The following ARIH2 variants were observed in gnomAD, a reference collection of about 807,000 sequenced individuals.
ARIH2 encodes the protein ariadne RBR E3 ubiquitin protein ligase 2.
In ARIH2, 12 loss-of-function variants were observed where a neutral mutation model predicts 79.8. That is an observed-to-expected ratio of 0.15 (90% confidence interval 0.10 to 0.24). The LOEUF (loss-of-function observed/expected upper bound fraction) is 0.24. Ranked by LOEUF, ARIH2 falls within the 10% of genes least tolerant of loss-of-function variation. The pLI is 1.00. For missense variants in ARIH2, 301 were observed against 618.3 expected, an observed-to-expected ratio of 0.49 and a Z score of 5.44; for synonymous variants, 224 against 213.9, an observed-to-expected ratio of 1.05 and a Z score of -0.41.
At chr3:48,935,232 A>G (rs2086948560) in intron 3 of ARIH2, among the ~76,000 whole-genome samples, 1 of 152,198 alleles carries the variant, frequency 6.6e-6, no homozygotes, top group African/African-American at 2.4e-5. Context: ...AGGAAAAATA[A>G]CTGTAAACAA....
At chr3:48,981,567 T>G in intron 13 of ARIH2, 93 bp from the exon 14 acceptor site, 1 of 1,000,690 alleles carries the variant, frequency 1.0e-6, no homozygotes, top group Non-Finnish European at 1.6e-6. Context: ...CTGGGCTAAT[T>G]TGCATGTTGA....
intron 1 of ARIH2, chr3:48,921,548 C>G (rs1048380375): frequency 6.6e-6 from 1 of 151,374 alleles, no homozygotes. Flanking sequence ...ATTCTCCTGC[C>G]GTAGCCTCCC....
At chr3:48,967,026 G>C in intron 5 of ARIH2, 99 bp from the exon 6 acceptor site, 2 of 1,283,074 alleles carry the variant, frequency 1.6e-6, no homozygotes, top group Non-Finnish European at 1.1e-6. Context: ...ACTTGTTGCA[G>C]GGTGAGGATC....
intron 3 of ARIH2, among the ~76,000 whole-genome samples, chr3:48,951,502 A>G (rs2089951174): frequency 6.6e-6 from 1 of 152,110 alleles, no homozygotes; most frequent in Non-Finnish European, 1.5e-5. Flanking sequence ...CTAGTTTGTA[A>G]AAGTGTTTAT....
chr3:48,920,885 C>CA lies in ARIH2; in HGVS notation c.-161-1848dup, dbSNP rs537331018. Among the ~76,000 whole-genome samples, 75 of 41,500 alleles carry CA rather than the reference C, an allele frequency of 1.8e-3. 21 individuals are homozygous for CA. The East Asian group carries it at 0.024, about 13-fold the overall frequency. 27.2% of individuals were successfully genotyped at this position (41,500 alleles called of 152,430 possible). ...CGCCACTGCACTCCAGCAAGACTCT[C>CA]AAAAAAAAAAAAAAAGAAAGAAAAG... is the stretch of plus-strand genomic sequence containing the variant. On this transcript the variant is annotated intron_variant, in intron 1 of 15. Coordinates refer to ENST00000356401, the MANE Select transcript of ARIH2 (RefSeq NM_006321.4).
At chr3:48,980,524 C>T (rs776368427) in intron 13 of ARIH2, 28 bp downstream of exon 13, 2 of 1,610,396 alleles carry the variant, frequency 1.2e-6, no homozygotes, top group South Asian at 1.1e-5. Flanking sequence ...CATCTTATCC[C>T]TGGTCCAGTG....
intron 3 of ARIH2, among the ~76,000 whole-genome samples, chr3:48,931,197 C>T (rs1455366498): frequency 6.6e-6 from 1 of 152,166 alleles, no homozygotes; most frequent in East Asian, 1.9e-4. Context: ...AAGCTATCCT[C>T]CCATCTCAGC....
intron 3 of ARIH2, chr3:48,934,919 C>T: frequency 1.0e-6 from 1 of 985,124 alleles, no homozygotes; most frequent in Non-Finnish European, 1.2e-6. Flanking sequence ...CCTCAGGAAA[C>T]ATGGAAGTCA....
chr3:48,979,023 A>G (rs2092658568), intron 11 of ARIH2, among the ~76,000 whole-genome samples: 1 of 152,140 alleles, frequency 6.6e-6, no homozygotes, highest in Non-Finnish European at 1.5e-5. Flanking sequence ...AAAGGGGGAA[A>G]GCCTTTATTC....
In ARIH2 at chr3:48,945,944, C is replaced by T. The variant is rs113408129; in HGVS notation, c.256-15668C>T. 4.6e-5 allele frequency among the ~76,000 whole-genome samples: 7 copies of T among 152,220 alleles called. 1 individual carries two copies. The highest frequency in any genetic ancestry group is 1.9e-4 in the East Asian group (1 of 5,170). On this transcript the variant is annotated intron_variant, in intron 3 of 15. Transcript: ENST00000356401. ...CCTGCAGCCGTCTCCTTGTAGCAAGCGGGTCAGAGGACACAGAGATTCAAA... is the reference window on the plus strand; with the variant it reads ...CCTGCAGCCGTCTCCTTGTAGCAAGTGGGTCAGAGGACACAGAGATTCAAA...
rs143241623 is a variant in ARIH2, at chr3:48,984,340, A to G, written c.*1070A>G. On this transcript the variant is annotated 3_prime_UTR_variant, in exon 16 of 16. Coordinates refer to ENST00000356401, the MANE Select transcript of ARIH2 (RefSeq NM_006321.4). ...CTGGCATGGGGGCTGTGTTTGCACA[A>G]GTTATTTTCATGTTACCTGGAGAGT... 595 of 152,740 alleles carry G rather than the reference A, an allele frequency of 3.9e-3. 4 individuals carry two copies. Among genetic ancestry groups the G allele is most frequent in the Middle Eastern group, 0.01 (3 of 294 alleles). The allele number at this position is 152,740 out of a possible 1,614,324, so 9.5% of individuals were successfully genotyped here.
intron 8 of ARIH2, chr3:48,973,470 G>A (rs1267535267): frequency 1.2e-5 from 4 of 342,324 alleles, no homozygotes; most frequent in African/African-American, 2.1e-5. Context: ...CCAACTACTC[G>A]GGAGGTTGAG....
At chr3:48,966,893 T>C (rs936628053) in intron 5 of ARIH2, among the ~76,000 whole-genome samples, 36 of 152,212 alleles carry the variant, frequency 2.4e-4, no homozygotes, top group African/African-American at 8.4e-4. Context: ...TTTCTGCCTC[T>C]GAATCCTGGT....
chr3:48,921,732 C>T (rs983625372), intron 1 of ARIH2, among the ~76,000 whole-genome samples: 7 of 151,812 alleles, frequency 4.6e-5, no homozygotes, highest in Admixed American at 3.9e-4. Context: ...AGCCACCACA[C>T]GTGGTCCTGG....
At chr3:48,944,813 T>G (rs577300067) in intron 3 of ARIH2, among the ~76,000 whole-genome samples, 1 of 152,300 alleles carries the variant, frequency 6.6e-6, no homozygotes, top group East Asian at 1.9e-4. Context: ...CTTGTCCCTT[T>G]AGTACTTTCT....
intron 1 of ARIH2, chr3:48,919,485 G>A (rs1034723595): frequency 4.2e-5 from 10 of 238,450 alleles, no homozygotes; most frequent in African/African-American, 2.2e-4. Context: ...CGCCTCGCCA[G>A]AAGCTGGTTG....
intron 3 of ARIH2, among the ~76,000 whole-genome samples, chr3:48,959,042 C>T (rs902394556): frequency 6.6e-6 from 1 of 151,044 alleles, no homozygotes; most frequent in East Asian, 2.0e-4. Flanking sequence ...ATAGGCCGAG[C>T]GCGGTGGCTC....
chr3:48,925,396 A>C (rs1300909834), intron 2 of ARIH2, among the ~76,000 whole-genome samples: 2 of 148,672 alleles, frequency 1.3e-5, no homozygotes, highest in African/African-American at 4.9e-5. Flanking sequence ...TACAGGCATG[A>C]GCCACCGCGC....
chr3:48,953,012 C>T (rs550917367), intron 3 of ARIH2, among the ~76,000 whole-genome samples: 7 of 152,166 alleles, frequency 4.6e-5, no homozygotes, highest in African/African-American at 1.7e-4. Flanking sequence ...TCACTGCAAC[C>T]TCTGCTTCTC....
Sources: allele counts gnomAD v4.1 joint callset (sites outside exome capture counted in the v4.1 genomes callset), GRCh38; gene constraint gnomAD v4.1.1; transcripts MANE v1.5; gene names NCBI Gene and HGNC (gene_info 2026-07-23, HGNC 2026-07-21).